APBA3: variants seen among roughly 807,000 people sequenced by gnomAD.
APBA3 encodes amyloid beta precursor protein binding family A member 3.
Under a neutral mutation model 55.9 loss-of-function variants are expected in APBA3, and 45 were observed. The ratio of observed to expected loss-of-function variants is 0.80; its 90% CI spans 0.63 to 1.03. The LOEUF is 1.03. Ranked by LOEUF, APBA3 falls within the 50% of genes least tolerant of loss-of-function variation. The pLI is 0.00. For missense variants in APBA3, 865 were observed against 820.3 expected, an observed-to-expected ratio of 1.05 and a Z score of -0.67; for synonymous variants, 370 against 353.3, an observed-to-expected ratio of 1.05 and a Z score of -0.53.
intron 3 of APBA3, among the ~76,000 whole-genome samples, chr19:3,757,557 C>T (rs931965940): frequency 3.9e-5 from 6 of 152,112 alleles, no homozygotes; most frequent in Admixed American, 2.6e-4. Context: ...GACGGTGAAA[C>T]GCCGTCTCTA....
chr19:3,753,369 G>A (rs1341516656), intron 6 of APBA3: 3 of 370,616 alleles, frequency 8.1e-6, no homozygotes, highest in East Asian at 4.8e-5. Context: ...GAGGCTGGAC[G>A]CGGTGGCTCA....
At chr19:3,757,343 G>A (rs926084416) in intron 3 of APBA3, among the ~76,000 whole-genome samples, 1 of 152,098 alleles carries the variant, frequency 6.6e-6, no homozygotes, top group African/African-American at 2.4e-5. Context: ...CTGGGCTCAA[G>A]CGATCCTCCC....
At chr19:3,752,106 C>T (rs1342122649) in intron 8 of APBA3, among the ~76,000 whole-genome samples, 3 of 152,132 alleles carry the variant, frequency 2.0e-5, no homozygotes, top group South Asian at 2.1e-4. Context: ...CCCAGCTACT[C>T]GGGAGGCTGA....
At chr19:3,758,738 C>T (rs1241172469) in intron 3 of APBA3, among the ~76,000 whole-genome samples, 15 of 151,724 alleles carry the variant, frequency 9.9e-5, no homozygotes, top group East Asian at 1.9e-4. Context: ...ATTAGCTGGG[C>T]GTGGTGGCGA....
chr19:3,751,331 T>C lies in APBA3; in HGVS notation c.1516-2A>G. On this transcript the variant is annotated splice_acceptor_variant, in intron 9 of 10. Transcript: ENST00000316757. LOFTEE classifies it high-confidence loss of function. ...GCCACCACGGAGGAGGCTGCAGATC[T>C]GGGGGAGAAAAGAGGGGGACGGGAA... The C allele has an allele frequency of 6.6e-7, 1 of 1,525,954 alleles. No individual in the cohort carries two copies. Among genetic ancestry groups the C allele is most frequent in the Non-Finnish European group, 8.8e-7 (1 of 1,138,982 alleles). The allele number at this position is 1,525,954 out of a possible 1,614,324, so 94.5% of individuals were successfully genotyped here. A position where few individuals can be genotyped will look rare whatever the true frequency, so the allele number is the denominator to read the frequency against.
chr19:3,751,342 AG>A lies in APBA3; in HGVS notation c.1516-14del, dbSNP rs558934427. 472 of 1,525,584 alleles carry A rather than the reference AG, an allele frequency of 3.1e-4. 5 individuals carry two copies. The South Asian group carries it at 5.5e-3, about 18-fold the overall frequency. The allele number at this position is 1,525,584 out of a possible 1,614,324, so 94.5% of individuals were successfully genotyped here. On this transcript the variant is annotated splice_polypyrimidine_tract_variant and intron_variant, in intron 9 of 10. Coordinates refer to ENST00000316757, the MANE Select transcript of APBA3 (RefSeq NM_004886.4). ...GGAGGCTGCAGATCTGGGGGAGAAA[AG>A]AGGGGGACGGGAAAGAGGTGGGGGC...
At position 3,760,119 on chromosome 19, in the gene APBA3, C is replaced by T. The variant is rs148514668; in HGVS notation, c.146G>A (p.Arg49Gln). 1.2e-5 allele frequency: 19 copies of T among 1,613,492 alleles called. No individual in the cohort carries two copies. The highest frequency in any genetic ancestry group is 5.3e-5 in the African/African-American group (4 of 75,068). Reference sequence around the variant, plus strand: ...AAGGCTTGACTCATCAAGTTCCATCCGACTGAGGCTGCCGGGGCCTCCTGG... The same window carrying T: ...AAGGCTTGACTCATCAAGTTCCATCTGACTGAGGCTGCCGGGGCCTCCTGG... ...PMPGGPGSLS[R>Q]MELDESSLQE... The change falls in exon 2 of 11, where the codon CGG becomes CAG. Residue 49 changes from arginine to glutamine, a missense_variant. Coordinates refer to ENST00000316757, the MANE Select transcript of APBA3 (RefSeq NM_004886.4).
Position 3,752,665 on chromosome 19 carries a change from C to G in APBA3, c.1238G>C (p.Gly413Ala). 6.3e-7 allele frequency: 1 copy of G among 1,591,192 alleles called. No individual in the cohort carries two copies. The highest frequency in any genetic ancestry group is 8.5e-7 in the Non-Finnish European group (1 of 1,174,508). ...EGLGVALVES[G>A]WGSLLPTAVI... ...GGCTGTGGGCAGCAGGGAGCCCCAG[C>G]CCGACTCCACCAGGGCCACGCCCAG... Residue 413 changes from glycine (G) to alanine (A), a missense_variant, in exon 8 of 11, where the codon GGC becomes GCC. Coordinates refer to ENST00000316757, the MANE Select transcript of APBA3 (RefSeq NM_004886.4).
rs759373145 is a variant in APBA3 at position 3,760,137 on chromosome 19, C to A, written c.128G>T (p.Gly43Val). ...TTCCATCCGACTGAGGCTGCCGGGG[C>A]CTCCTGGCATAGGGTCCCACTGGCT... ...PDSQWDPMPG[G>V]PGSLSRMELD... Residue 43 changes from glycine to valine, a missense_variant, in exon 2 of 11, where the codon GGC (glycine) becomes GTC (valine). Transcript: ENST00000316757. The A allele has an allele frequency of 1.9e-6, 3 of 1,613,446 alleles. No homozygotes were observed. Among genetic ancestry groups the A allele is most frequent in the Admixed American group, 3.3e-5 (2 of 60,034 alleles).
chr19:3,760,798 G>C (rs931508083), intron 1 of APBA3, among the ~76,000 whole-genome samples: 6 of 150,286 alleles, frequency 4.0e-5, no homozygotes, highest in African/African-American at 1.5e-4. Flanking sequence ...TGTAGTCCCA[G>C]CTACTTGGGA....
Position 3,754,534 on chromosome 19 carries a change from T to A in APBA3, c.617-194A>T, listed in dbSNP as rs148767787. 325 of 673,230 alleles carry A rather than the reference T, an allele frequency of 4.8e-4. No individual in the cohort carries two copies. The African/African-American group carries it at 5.9e-3, about 12-fold the overall frequency. The allele number at this position is 673,230 out of a possible 1,614,324, so 41.7% of individuals were successfully genotyped here. A position where few individuals can be genotyped will look rare whatever the true frequency, so the allele number is the denominator to read the frequency against. On this transcript the variant is annotated intron_variant, in intron 3 of 10. Transcript: ENST00000316757. ...GCCCTCACAGGTCTAGAACCTTCTG[T>A]CCATCCCTCAAGGACTCGCAGGTGG...
At chr19:3,756,613 C>T (rs1000593399) in intron 3 of APBA3, 1 of 152,130 alleles carries the variant, frequency 6.6e-6, no homozygotes, top group African/African-American at 2.4e-5. Flanking sequence ...GTTCCAGTTA[C>T]TCAGGAGGCT....
chr19:3,757,341 A>T (rs1261269939), intron 3 of APBA3, among the ~76,000 whole-genome samples: 1 of 152,092 alleles, frequency 6.6e-6, no homozygotes, highest in African/African-American at 2.4e-5. Context: ...TCCTGGGCTC[A>T]AGCGATCCTC....
chr19:3,757,421 G>C (rs1346321903), intron 3 of APBA3, among the ~76,000 whole-genome samples: 2 of 151,828 alleles, frequency 1.3e-5, no homozygotes, highest in Non-Finnish European at 2.9e-5. Context: ...CTTACTATCT[G>C]ACCTATATCC....
At position 3,752,634 on chromosome 19, in the gene APBA3, G is replaced by T. The variant is rs759873125; in HGVS notation, c.1269C>A (p.Ile423=). ...GWGSLLPTAV[I]ANLLHGGPAE... The stretch of plus-strand genomic sequence containing the variant: ...CAGGCCCCCCGTGCAGCAGGTTGGC[G>T]ATGACGGCTGTGGGCAGCAGGGAGC... The change falls in exon 8 of 11, where the codon ATC becomes ATA. Residue 423 remains isoleucine, a synonymous_variant. Transcript: ENST00000316757. 1.3e-6 allele frequency: 2 copies of T among 1,588,390 alleles called. No homozygotes were observed. The highest frequency in any genetic ancestry group is 1.7e-6 in the Non-Finnish European group (2 of 1,173,058).
Position 3,750,798 on chromosome 19 carries a change from G to A in APBA3, c.*228C>T, listed in dbSNP as rs2036985578. 3 of 1,066,340 alleles carry A rather than the reference G, an allele frequency of 2.8e-6. No homozygotes were observed. In the Admixed American group the frequency reaches 6.6e-5, roughly 24 times the overall value. 66.1% of individuals were successfully genotyped at this position (1,066,340 alleles called of 1,614,324 possible). A position where few individuals can be genotyped will look rare whatever the true frequency, so the allele number is the denominator to read the frequency against. On this transcript the variant is annotated 3_prime_UTR_variant, in exon 11 of 11. Coordinates refer to ENST00000316757, the MANE Select transcript of APBA3 (RefSeq NM_004886.4). ...CCCTCCGCCTGGTCTTTAATAAACA[G>A]AGTATTTTCACAGCACCGGCTTCTA...
chr19:3,754,708 C>T (rs2037055301), intron 3 of APBA3: 1 of 196,920 alleles, frequency 5.1e-6, no homozygotes, highest in Non-Finnish European at 1.0e-5. Flanking sequence ...GCTCTGTCGC[C>T]CAGGCTGGAG....
chr19:3,753,151 G>A, intron 6 of APBA3, 161 bp from the exon 7 acceptor site: 4 of 773,966 alleles, frequency 5.2e-6, no homozygotes, highest in South Asian at 3.7e-5. Flanking sequence ...TGGAGAGACA[G>A]CCGCATCTTG....
rs373218431 is a variant in APBA3 at position 3,751,247 on chromosome 19, C to G, written c.1598G>C (p.Ser533Thr). ...GHRIIEINGQ[S>T]VVATPHARII... is the part of the protein sequence containing the mutation. ...GCGGGCGTGTGGCGTGGCCACCACACTCTGCCCATTGATCTCAATGATGCG... is the reference window on the plus strand; with the variant it reads ...GCGGGCGTGTGGCGTGGCCACCACAGTCTGCCCATTGATCTCAATGATGCG... Residue 533 changes from serine to threonine, a missense_variant, in exon 10 of 11, where the codon AGT becomes ACT. Physicochemically the swap from Ser to Thr is moderately conservative, Grantham distance 58 (BLOSUM62 1). Transcript: ENST00000316757. 1.6e-4 allele frequency: 250 copies of G among 1,547,400 alleles called. No individual in the cohort carries two copies. Among genetic ancestry groups the G allele is most frequent in the Non-Finnish European group, 1.9e-4 (220 of 1,148,124 alleles).
Sources: gnomAD v4.1 joint callset for allele counts (sites outside exome capture counted in the v4.1 genomes callset) on GRCh38, gnomAD v4.1.1 for gene constraint, MANE v1.5 for transcripts, NCBI Gene and HGNC (gene_info 2026-07-23, HGNC 2026-07-21) for gene names.